Variants in FGF12 observed in about 807,000 individuals in gnomAD.
The protein encoded by FGF12 is fibroblast growth factor 12.
In FGF12, 14 loss-of-function variants were observed where a neutral mutation model predicts 23.6. The ratio of observed to expected loss-of-function variants is 0.59; its 90% CI spans 0.39 to 0.93. FGF12 has a LOEUF of 0.93. Among genes scored for constraint, FGF12 ranks in the 40% least tolerant of loss-of-function variants. The pLI, the probability that FGF12 is intolerant of heterozygous loss-of-function variation, is 0.00. For missense variants in FGF12, 175 were observed against 217.8 expected (o/e 0.80, Z 1.24); for synonymous variants, 62 against 77.3 (o/e 0.80, Z 1.04).
chr3:192,586,109 C>A (rs1713363996), intron 2 of FGF12, among the ~76,000 whole-genome samples: 1 of 152,028 alleles, frequency 6.6e-6, no homozygotes, highest in South Asian at 2.1e-4. Flanking sequence ...CATACACAAA[C>A]TGAATAAAAA....
intron 2 of FGF12, among the ~76,000 whole-genome samples, chr3:192,721,131 G>A (rs918876015): frequency 9.9e-5 from 15 of 152,122 alleles, no homozygotes; most frequent in South Asian, 2.1e-4. Context: ...ATTGAGTGTC[G>A]TGCAGTATAC....
intron 2 of FGF12, among the ~76,000 whole-genome samples, chr3:192,490,559 G>A (rs74930969): frequency 0.062 from 9,442 of 151,346 alleles, 1,013 homozygotes; most frequent in African/African-American, 0.22. Context: ...ATACACATAC[G>A]TACACATATA....
intron 2 of FGF12, among the ~76,000 whole-genome samples, chr3:192,460,484 A>G (rs1722827239): frequency 6.6e-6 from 1 of 152,050 alleles, no homozygotes; most frequent in African/African-American, 2.4e-5. Context: ...GGTCTCTGAG[A>G]ATCAACTCTG....
Position 192,585,365 on chromosome 3 carries a change from C to G in FGF12, c.13+141816G>C, listed in dbSNP as rs147902753. Among the ~76,000 whole-genome samples, 27 of 152,258 alleles carry G rather than the reference C, an allele frequency of 1.8e-4. No homozygotes were observed. In the East Asian group the frequency reaches 4.8e-3, roughly 27 times the overall value. On this transcript the variant is annotated intron_variant, in intron 2 of 5. Coordinates refer to ENST00000445105, the MANE Select transcript of FGF12 (RefSeq NM_004113.6). ...TATATAATAAATTATCTTTGTGCCT[C>G]TTTCCAGCTGTAAGCAGGAGTGAGG...
intron 2 of FGF12, among the ~76,000 whole-genome samples, chr3:192,526,688 T>A (rs1724953544): frequency 6.6e-6 from 1 of 152,174 alleles, no homozygotes; most frequent in Non-Finnish European, 1.5e-5. Context: ...ACTCAAAACA[T>A]AGGAAATGGT....
At chr3:192,192,539 G>A in intron 4 of FGF12, among the ~76,000 whole-genome samples, 1 of 149,620 alleles carries the variant, frequency 6.7e-6, no homozygotes. Flanking sequence ...AGTGGGGCAG[G>A]AAACAAGACA....
At chr3:192,599,724 G>A (rs2108629983) in intron 2 of FGF12, among the ~76,000 whole-genome samples, 1 of 151,978 alleles carries the variant, frequency 6.6e-6, no homozygotes, top group East Asian at 1.9e-4. Flanking sequence ...AAAAGTAAGA[G>A]AATGACTGTG....
intron 2 of FGF12, among the ~76,000 whole-genome samples, chr3:192,485,443 C>T (rs77892972): frequency 0.026 from 4,012 of 152,206 alleles, 181 homozygotes; most frequent in African/African-American, 0.09. Flanking sequence ...AGCAGGCATA[C>T]GTCTTTCAGA....
At chr3:192,428,737 A>G (rs540199812) in intron 2 of FGF12, among the ~76,000 whole-genome samples, 1 of 152,258 alleles carries the variant, frequency 6.6e-6, no homozygotes, top group East Asian at 1.9e-4. Context: ...TTACAAACTA[A>G]CAGAAAGAAG....
At chr3:192,638,555 T>A (rs554998760) in intron 2 of FGF12, among the ~76,000 whole-genome samples, 4 of 152,236 alleles carry the variant, frequency 2.6e-5, no homozygotes, top group Non-Finnish European at 5.9e-5. Flanking sequence ...TTACTGCCAT[T>A]ATATCCTAAC....
At chr3:192,273,907 A>T (rs77362808) in intron 4 of FGF12, among the ~76,000 whole-genome samples, 8 of 57,088 alleles carry the variant, frequency 1.4e-4, no homozygotes, top group African/African-American at 2.0e-4. Flanking sequence ...TGAGTGAATT[A>T]AAAAAAAAAA....
chr3:192,225,092 T>C (rs945188658), intron 4 of FGF12, among the ~76,000 whole-genome samples: 3 of 151,924 alleles, frequency 2.0e-5, no homozygotes, highest in African/African-American at 7.3e-5. Flanking sequence ...AAGGCTGAAA[T>C]TTCACATTAA....
chr3:192,711,275 C>G (rs1280770425), intron 2 of FGF12, among the ~76,000 whole-genome samples: 2 of 128,994 alleles, frequency 1.6e-5, no homozygotes, highest in South Asian at 2.6e-4. Flanking sequence ...CCGCCCCGTC[C>G]GGGAGGGAGG....
intron 2 of FGF12, among the ~76,000 whole-genome samples, chr3:192,472,764 C>T (rs1164625893): frequency 6.6e-6 from 1 of 152,162 alleles, no homozygotes; most frequent in East Asian, 1.9e-4. Flanking sequence ...TGTCTCCTCA[C>T]CTCCTCCCAC....
At chr3:192,621,319 G>C (rs62293022) in intron 2 of FGF12, among the ~76,000 whole-genome samples, 4,323 of 152,158 alleles carry the variant, frequency 0.028, 178 homozygotes, top group East Asian at 0.17. Context: ...GTAGCAGGTT[G>C]GGTAAAAGTT....
chr3:192,589,345 A>G (rs1713528326), intron 2 of FGF12, among the ~76,000 whole-genome samples: 1 of 151,562 alleles, frequency 6.6e-6, no homozygotes, highest in Admixed American at 6.6e-5. Flanking sequence ...AAAAAAAAAA[A>G]AAGTCCTAAA....
chr3:192,251,285 C>G (rs899667942), intron 4 of FGF12, among the ~76,000 whole-genome samples: 1 of 152,118 alleles, frequency 6.6e-6, no homozygotes, highest in East Asian at 1.9e-4. Context: ...GATGAGAACC[C>G]ACTTTGATTC....
At chr3:192,379,266 A>C (rs1290121267) in intron 2 of FGF12, among the ~76,000 whole-genome samples, 1 of 152,168 alleles carries the variant, frequency 6.6e-6, no homozygotes, top group Non-Finnish European at 1.5e-5. Context: ...TGATAAATAC[A>C]TGTGTATATG....
At chr3:192,499,516 ATTTTTTTTTTTTTTT>A (rs71177364) in intron 2 of FGF12, among the ~76,000 whole-genome samples, 1 of 38,860 alleles carries the variant, frequency 2.6e-5, no homozygotes, top group Non-Finnish European at 4.3e-5. Flanking sequence ...ATATATATAT[ATTTTTTTTTTTTTTT>A]TTTTTTTTTT....
Sources: gnomAD v4.1 joint callset for allele counts (sites outside exome capture counted in the v4.1 genomes callset) on GRCh38, gnomAD v4.1.1 for gene constraint, MANE v1.5 for transcripts, NCBI Gene and HGNC (gene_info 2026-07-23, HGNC 2026-07-21) for gene names.